Variants in PRKDC observed in about 807,000 individuals in gnomAD.
PRKDC encodes the protein DNA-dependent protein kinase catalytic subunit.
PRKDC carries 82 observed loss-of-function variants against 486.9 expected under a neutral mutation model. The ratio of observed to expected loss-of-function variants is 0.17; its 90% CI spans 0.14 to 0.20. The LOEUF (loss-of-function observed/expected upper bound fraction) is 0.20, where lower values mean the gene tolerates loss of function less well. PRKDC is among the 10% of genes least tolerant of loss of function. The pLI, the probability that PRKDC is intolerant of heterozygous loss-of-function variation, is 1.00. For synonymous variants in PRKDC, 1,895 were observed against 1,837.0 expected, an observed-to-expected ratio of 1.03 and a Z score of -0.81; for missense variants, 4,504 against 5,038.2, an observed-to-expected ratio of 0.89 and a Z score of 3.21.
chr8:47,795,504 T>G (rs959601473), intron 73 of PRKDC, among the ~76,000 whole-genome samples: 1 of 150,044 alleles, frequency 6.7e-6, no homozygotes. Flanking sequence ...TTTTTTTTTT[T>G]TCTTTTGAGA....
chr8:47,908,835 TA>T (rs1442755454), intron 25 of PRKDC, among the ~76,000 whole-genome samples: 1 of 152,244 alleles, frequency 6.6e-6, no homozygotes, highest in Admixed American at 6.5e-5. Context: ...CATTTTTCTG[TA>T]ATTTATTTAT....
rs780983919 is a variant in PRKDC at position 47,798,415 on chromosome 8, G to A, written c.10298-18C>T. On this transcript the variant is annotated intron_variant, in intron 72 of 85. Coordinates refer to ENST00000314191, the MANE Select transcript of PRKDC (RefSeq NM_006904.7). ...ATCAATAACTATCAAGGACACCAAA[G>A]AAGAAAGCAATGGTCAATGTATCCC... 70 of 1,560,618 alleles carry A rather than the reference G, an allele frequency of 4.5e-5. No homozygotes were observed. In the South Asian group the frequency reaches 8.5e-4, roughly 19 times the overall value.
chr8:47,793,033 C>G (rs1019505920), intron 74 of PRKDC, among the ~76,000 whole-genome samples: 5 of 152,130 alleles, frequency 3.3e-5, no homozygotes, highest in Non-Finnish European at 5.9e-5. Context: ...AGTCACGCAC[C>G]ACCATGCTTA....
intron 38 of PRKDC, among the ~76,000 whole-genome samples, chr8:47,880,810 T>C (rs2089197248): frequency 2.6e-5 from 4 of 151,748 alleles, no homozygotes; most frequent in Non-Finnish European, 5.9e-5. Context: ...CCCCAGCACT[T>C]TGGGAGGCCG....
Position 47,946,277 on chromosome 8 carries a change from G to A in PRKDC, c.722-2248C>T, listed in dbSNP as rs565915283. Among the ~76,000 whole-genome samples the A allele has an allele frequency of 3.3e-5, 5 of 152,072 alleles. No homozygotes were observed. In the South Asian group the frequency reaches 8.3e-4, roughly 25 times the overall value. ...ACTCGGGAGGCAGAGGCTGCAGTGA[G>A]CCAAGATCGTGCCACTGCACTCCAA... On this transcript the variant is annotated intron_variant, in intron 7 of 85. Coordinates refer to ENST00000314191, the MANE Select transcript of PRKDC (RefSeq NM_006904.7).
intron 26 of PRKDC, 133 bp downstream of exon 26, chr8:47,904,736 T>G (rs2089743316): frequency 3.2e-6 from 2 of 622,998 alleles, no homozygotes; most frequent in Non-Finnish European, 5.4e-6. Context: ...CAGGTTGCAG[T>G]GAGCCAAGAT....
At position 47,959,974 on chromosome 8, in the gene PRKDC, C is replaced by T; in HGVS notation, c.153G>A (p.Leu51=). The T allele has an allele frequency of 1.3e-6, 2 of 1,535,238 alleles. No homozygotes were observed. Among genetic ancestry groups the T allele is most frequent in the African/African-American group, 1.4e-5 (1 of 73,124 alleles). ...GGCCCAGCTCGGGCCGGTACCCACC[C>T]AGCACCGCGGGGCTGCTGCTCAGGA... ...ECVLSSSPAV[L]ALQTSLVFSR... The change falls in exon 1 of 86, where the codon CTG becomes CTA. Residue 51 remains leucine (L), a splice_region_variant and synonymous_variant. Transcript: ENST00000314191.
At chr8:47,781,088 T>A (rs1239023169) in intron 80 of PRKDC, among the ~76,000 whole-genome samples, 1 of 152,224 alleles carries the variant, frequency 6.6e-6, no homozygotes, top group Non-Finnish European at 1.5e-5. Context: ...GGTACCTATG[T>A]TAATCCTGTG....
chr8:47,935,041 T>A lies in PRKDC; in HGVS notation c.1465A>T (p.Arg489Ter), dbSNP rs1283991208. Residue 489 changes from arginine to a stop codon, truncating the protein, a stop_gained, in exon 14 of 86, where the codon AGA becomes TGA. Transcript: ENST00000314191. LOFTEE classifies it high-confidence loss of function. ...ISTVVHQGLI[R>*]ICSKPVVLPK... is the part of the protein sequence containing the mutation. ...AGGACCACTGGTTTAGAACATATTC[T>A]GATTAAACCCTGATGCACTGAAAAA... 6.6e-7 allele frequency: 1 copy of A among 1,524,166 alleles called. No individual in the cohort carries two copies. The highest frequency in any genetic ancestry group is 8.9e-7 in the Non-Finnish European group (1 of 1,128,250). 94.4% of individuals were successfully genotyped at this position (1,524,166 alleles called of 1,614,324 possible).
intron 54 of PRKDC, among the ~76,000 whole-genome samples, chr8:47,844,190 A>G (rs750466854): frequency 6.6e-6 from 1 of 152,268 alleles, no homozygotes; most frequent in Non-Finnish European, 1.5e-5. Context: ...TCAAAGTAAA[A>G]GGATGGAGAA....
chr8:47,927,123 A>G, intron 21 of PRKDC, 71 bp downstream of exon 21: 1 of 1,398,990 alleles, frequency 7.1e-7, no homozygotes, highest in Non-Finnish European at 9.7e-7. Context: ...ACAAAAATAC[A>G]GTCCTACCTA....
Position 47,782,834 on chromosome 8 carries a change from T to C in PRKDC, c.11176-236A>G. 1 of 567,568 alleles carries C rather than the reference T, an allele frequency of 1.8e-6. No individual in the cohort carries two copies. Among genetic ancestry groups the C allele is most frequent in the Non-Finnish European group, 3.1e-6 (1 of 318,034 alleles). The allele number at this position is 567,568 out of a possible 1,614,324, so 35.2% of individuals were successfully genotyped here. On this transcript the variant is annotated intron_variant, in intron 78 of 85. Transcript: ENST00000314191. The surrounding 1 kb of genome is among the most constrained non-coding windows in gnomAD (Gnocchi z 4.9). Reference sequence around the variant, plus strand: ...ACTTGCTTATGAATGTGGATATCTTTAGCAAGCAGCAACAGCCAACATGCA... The same window carrying C: ...ACTTGCTTATGAATGTGGATATCTTCAGCAAGCAGCAACAGCCAACATGCA...
intron 72 of PRKDC, among the ~76,000 whole-genome samples, chr8:47,798,857 T>A (rs2087037618): frequency 6.6e-6 from 1 of 152,014 alleles, no homozygotes; most frequent in African/African-American, 2.4e-5. Flanking sequence ...TCACCCAGGC[T>A]GGTGTGCAGT....
intron 7 of PRKDC, among the ~76,000 whole-genome samples, chr8:47,948,752 G>A (rs1196724964): frequency 5.3e-5 from 8 of 151,472 alleles, no homozygotes; most frequent in Admixed American, 3.9e-4. Context: ...GTGAGCCACC[G>A]CGCCCGGCCC....
Position 47,859,696 on chromosome 8 carries a change from C to T in PRKDC, c.6122G>A (p.Ser2041Asn). The stretch of plus-strand genomic sequence containing the variant: ...AACTCCGGTTGAGAAATCAAATTGA[C>T]TCATTTCCTCACTCAGGGTACTGTC... ...LADSTLSEEM[S>N]QFDFSTGVQS... Residue 2041 changes from serine to asparagine, a missense_variant, in exon 46 of 86, where the codon AGT becomes AAT. Transcript: ENST00000314191. The T allele has an allele frequency of 6.2e-7, 1 of 1,613,800 alleles. No individual in the cohort carries two copies. The highest frequency in any genetic ancestry group is 8.5e-7 in the Non-Finnish European group (1 of 1,179,720).
intron 29 of PRKDC, 76 bp downstream of exon 29, chr8:47,898,393 TC>T (rs2089619558): frequency 8.5e-7 from 1 of 1,174,526 alleles, no homozygotes. Context: ...CACAGATCCA[TC>T]CCAGGTTGTC....
At chr8:47,934,411 T>A (rs1589803045) in intron 14 of PRKDC, among the ~76,000 whole-genome samples, 1 of 152,172 alleles carries the variant, frequency 6.6e-6, no homozygotes, top group Non-Finnish European at 1.5e-5. Flanking sequence ...GGCGGTCGCC[T>A]GTAATACCAG....
In PRKDC at chr8:47,773,949, A is replaced by G; in HGVS notation, c.*224T>C. The G allele has an allele frequency of 2.1e-6, 1 of 472,052 alleles. No individual in the cohort carries two copies. Among genetic ancestry groups the G allele is most frequent in the Non-Finnish European group, 3.7e-6 (1 of 269,324 alleles). The allele number at this position is 472,052 out of a possible 1,614,324, so 29.2% of individuals were successfully genotyped here. On this transcript the variant is annotated 3_prime_UTR_variant, in exon 86 of 86. Coordinates refer to ENST00000314191, the MANE Select transcript of PRKDC (RefSeq NM_006904.7). ...GGTAAGCCTGGATATCTATCTTTCT[A>G]TAAACCTCACCTAATCTTTGATGTT...
At chr8:47,956,029 C>A in intron 3 of PRKDC, 81 bp from the exon 4 acceptor site, 1 of 1,015,018 alleles carries the variant, frequency 9.9e-7, no homozygotes, top group African/African-American at 1.6e-5. Flanking sequence ...ACTACTTCTC[C>A]AAGAGGAGCA....
Sources: allele counts gnomAD v4.1 joint callset (sites outside exome capture counted in the v4.1 genomes callset), GRCh38; gene constraint gnomAD v4.1.1; non-coding constraint Gnocchi (gnomAD v3.1); transcripts MANE v1.5; gene names NCBI Gene and HGNC (gene_info 2026-07-23, HGNC 2026-07-21).